The following ATXN10 variants were observed in gnomAD, a reference collection of about 807,000 sequenced individuals.
The protein encoded by ATXN10 is ataxin 10.
ATXN10 carries 28 observed loss-of-function variants against 52.9 expected under a neutral mutation model. That is an observed-to-expected ratio of 0.53 (90% CI 0.39 to 0.73). ATXN10 has a LOEUF of 0.73. ATXN10 is among the 30% of genes least tolerant of loss of function. ATXN10 has a pLI of 0.00. For missense variants in ATXN10, 565 were observed against 577.0 expected (o/e 0.98, Z 0.21); for synonymous variants, 226 against 221.5 (o/e 1.02, Z -0.18).
At chr22:45,738,194 TTCTAATC>T (rs1176460184) in intron 7 of ATXN10, among the ~76,000 whole-genome samples, 1 of 152,234 alleles carries the variant, frequency 6.6e-6, no homozygotes, top group Non-Finnish European at 1.5e-5. Context: ...AGTACTGTCT[TTCTAATC>T]TACCAAGATA....
Position 45,678,620 on chromosome 22 carries a change from A to T in ATXN10, c.116+6441A>T, listed in dbSNP as rs1346459991. ...AGGGAGGGACTTTATGGTGTTTCTT[A>T]GCAGGGTGCCTGGCCCATTTTGGGT... On this transcript the variant is annotated intron_variant, in intron 1 of 11. Transcript: ENST00000252934. The surrounding 1 kb of genome is among the most constrained non-coding windows in gnomAD (Gnocchi z 4.1). The T allele has an allele frequency of 6.6e-6, 1 of 152,208 alleles. No individual in the cohort carries two copies. The highest frequency in any genetic ancestry group is 2.4e-5 in the African/African-American group (1 of 41,458). 9.4% of individuals were successfully genotyped at this position (152,208 alleles called of 1,614,324 possible). A position where few individuals can be genotyped will look rare whatever the true frequency, so the allele number is the denominator to read the frequency against.
At chr22:45,765,764 A>G (rs1343235277) in intron 9 of ATXN10, among the ~76,000 whole-genome samples, 2 of 152,198 alleles carry the variant, frequency 1.3e-5, no homozygotes, top group African/African-American at 2.4e-5. Context: ...CCCTATTCGT[A>G]CCATGTGCTT....
chr22:45,807,566 TG>T, intron 10 of ATXN10, among the ~76,000 whole-genome samples: 1 of 152,376 alleles, frequency 6.6e-6, no homozygotes, highest in South Asian at 2.1e-4. Context: ...CTGAGAGCAC[TG>T]GCTCTTGCCC....
intron 5 of ATXN10, among the ~76,000 whole-genome samples, chr22:45,713,948 T>C (rs1924349025): frequency 6.6e-6 from 1 of 152,226 alleles, no homozygotes; most frequent in Admixed American, 6.5e-5. Context: ...CTGCCATGAA[T>C]AGCCTTGGTT....
intron 2 of ATXN10, among the ~76,000 whole-genome samples, chr22:45,691,300 ACAC>A (rs1923366121): frequency 6.6e-6 from 1 of 152,210 alleles, no homozygotes. Context: ...GCTGGCAGAT[ACAC>A]CTTTGTGCTT....
rs1928554445 is a variant in ATXN10 at position 45,818,891 on chromosome 22, A to T, written c.1237+11869A>T. ...TAGAGCCAAGCCCCGTGACTGATGC[A>T]GGCTGATGGCAGCATCCTGGGGCCT... is the stretch of plus-strand genomic sequence containing the variant. On this transcript the variant is annotated intron_variant, in intron 10 of 11. Transcript: ENST00000252934. The surrounding 1 kb of genome is among the most constrained non-coding windows in gnomAD (Gnocchi z 4.6). Among the ~76,000 whole-genome samples the T allele has an allele frequency of 6.6e-6, 1 of 152,166 alleles. No individual in the cohort carries two copies. Among genetic ancestry groups the T allele is most frequent in the African/African-American group, 2.4e-5 (1 of 41,436 alleles).
In ATXN10 at chr22:45,816,507, GAC is replaced by G. The variant is rs1275705786; in HGVS notation, c.1237+9490_1237+9491del. On this transcript the variant is annotated intron_variant, in intron 10 of 11. Transcript: ENST00000252934. The surrounding 1 kb of genome is among the most constrained non-coding windows in gnomAD (Gnocchi z 5.8). ...GGTGGCTGTGCCTCTCCCTGAACAT[GAC>G]ACACCAGAATACCCAGATATGTAAC... Among the ~76,000 whole-genome samples, 7 of 152,110 alleles carry G rather than the reference GAC, an allele frequency of 4.6e-5. No homozygotes were observed. In the South Asian group the frequency reaches 1.4e-3, roughly 32 times the overall value.
At chr22:45,699,369 G>T (rs117160245) in intron 3 of ATXN10, among the ~76,000 whole-genome samples, 2,795 of 151,870 alleles carry the variant, frequency 0.018, 40 homozygotes, top group Non-Finnish European at 0.03. Flanking sequence ...TGAGTTGTTG[G>T]ATCAGTTGGT....
At chr22:45,748,071 T>TG (rs1237089554) in intron 9 of ATXN10, among the ~76,000 whole-genome samples, 2 of 151,882 alleles carry the variant, frequency 1.3e-5, no homozygotes, top group African/African-American at 2.4e-5. Context: ...CCCAGGTGCT[T>TG]GGGGGGCTGA....
In ATXN10 at chr22:45,715,120, A is replaced by G. The variant is rs1223191448; in HGVS notation, c.648-3293A>G. Among the ~76,000 whole-genome samples, 1 of 152,150 alleles carries G rather than the reference A, an allele frequency of 6.6e-6. No homozygotes were observed. Among genetic ancestry groups the G allele is most frequent in the Non-Finnish European group, 1.5e-5 (1 of 68,034 alleles). On this transcript the variant is annotated intron_variant, in intron 5 of 11. Transcript: ENST00000252934. This position sits in a 1 kb window ranked among gnomAD's most constrained non-coding sequence, Gnocchi z 4.4. ...GTTCTACTATTTTAAGTCCTTGAGG[A>G]TTTTATGAACATATTGATCAAATCA...
At chr22:45,746,295 A>G (rs1925722953) in intron 9 of ATXN10, among the ~76,000 whole-genome samples, 1 of 150,542 alleles carries the variant, frequency 6.6e-6, no homozygotes, top group Non-Finnish European at 1.5e-5. Context: ...GGAGCCAAGA[A>G]CAGGCAAATT....
intron 2 of ATXN10, among the ~76,000 whole-genome samples, chr22:45,691,215 G>A (rs1923360510): frequency 6.6e-6 from 1 of 152,152 alleles, no homozygotes; most frequent in Admixed American, 6.5e-5. Flanking sequence ...AGTTTCTTTT[G>A]TCCTTTTCCA....
At chr22:45,713,724 T>C (rs1055623968) in intron 5 of ATXN10, among the ~76,000 whole-genome samples, 9 of 152,190 alleles carry the variant, frequency 5.9e-5, no homozygotes, top group Admixed American at 1.3e-4. Context: ...GCCGTTTACC[T>C]AGTTCTTCCA....
Position 45,681,818 on chromosome 22 carries a change from C to G in ATXN10, c.117-7894C>G, listed in dbSNP as rs1453090830. ...CGAGTCAGGTATTTCATGCTCCACC[C>G]TCTTCAAACCTCCATCCCATCTCCC... On this transcript the variant is annotated intron_variant, in intron 1 of 11. Transcript: ENST00000252934. The surrounding 1 kb of genome is among the most constrained non-coding windows in gnomAD (Gnocchi z 4.2). Among the ~76,000 whole-genome samples, 4 of 151,944 alleles carry G rather than the reference C, an allele frequency of 2.6e-5. No individual in the cohort carries two copies.
In ATXN10 at chr22:45,775,492, A is replaced by T. The variant is rs1011648418; in HGVS notation, c.1174-31467A>T. On this transcript the variant is annotated intron_variant, in intron 9 of 11. Coordinates refer to ENST00000252934, the MANE Select transcript of ATXN10 (RefSeq NM_013236.4). This position sits in a 1 kb window ranked among gnomAD's most constrained non-coding sequence, Gnocchi z 4.7. ...ATTCTGTTCAAACATTTTCTTGTTT[A>T]CTTGTTGAAGCAGGTTCAGAAATAG... is the stretch of plus-strand genomic sequence containing the variant. 1.3e-5 allele frequency among the ~76,000 whole-genome samples: 2 copies of T among 152,182 alleles called. No homozygotes were observed. The highest frequency in any genetic ancestry group is 2.9e-5 in the Non-Finnish European group (2 of 68,020).
Position 45,678,402 on chromosome 22 carries a change from C to T in ATXN10, c.116+6223C>T, listed in dbSNP as rs1922787082. 1 of 151,994 alleles carries T rather than the reference C, an allele frequency of 6.6e-6. No individual in the cohort carries two copies. 9.4% of individuals were successfully genotyped at this position (151,994 alleles called of 1,614,324 possible). ...TGCCTCTGCATCCCTATTAGAATGG[C>T]TATAATGAAAATGAGTGACACTGAA... On this transcript the variant is annotated intron_variant, in intron 1 of 11. Coordinates refer to ENST00000252934, the MANE Select transcript of ATXN10 (RefSeq NM_013236.4). This position sits in a 1 kb window ranked among gnomAD's most constrained non-coding sequence, Gnocchi z 4.1.
At chr22:45,793,938 G>A (rs1407450567) in intron 9 of ATXN10, among the ~76,000 whole-genome samples, 2 of 152,244 alleles carry the variant, frequency 1.3e-5, no homozygotes, top group Non-Finnish European at 2.9e-5. Context: ...CTGCCCTATA[G>A]GCAGTGTGCC....
chr22:45,760,056 C>A (rs1408305280), intron 9 of ATXN10, among the ~76,000 whole-genome samples: 4 of 152,184 alleles, frequency 2.6e-5, no homozygotes, highest in Non-Finnish European at 4.4e-5. Flanking sequence ...CATTCTTTCC[C>A]CACGTGGAGA....
At chr22:45,806,899 G>C (rs1359743802) in intron 9 of ATXN10, 60 bp from the exon 10 acceptor site, 17 of 1,286,976 alleles carry the variant, frequency 1.3e-5, no homozygotes, top group Non-Finnish European at 1.1e-6. Context: ...CAAGTCATCT[G>C]TAATCTCTGA....
Sources: gnomAD v4.1 joint callset for allele counts (sites outside exome capture counted in the v4.1 genomes callset) on GRCh38, gnomAD v4.1.1 for gene constraint, Gnocchi (gnomAD v3.1) non-coding constraint, MANE v1.5 for transcripts, NCBI Gene and HGNC (gene_info 2026-07-23, HGNC 2026-07-21) for gene names.